Variants in SCAF11 observed in about 807,000 individuals in gnomAD.
The protein encoded by SCAF11 is SR-related CTD associated factor 11.
In SCAF11, 47 loss-of-function variants were observed where a neutral mutation model predicts 140.5. The ratio of observed to expected loss-of-function variants is 0.33; its 90% confidence interval spans 0.26 to 0.43. SCAF11 has a LOEUF of 0.43. Among genes scored for constraint, SCAF11 ranks in the 20% least tolerant of loss-of-function variants. The pLI is 1.00. For missense variants in SCAF11, 1,645 were observed against 1,705.1 expected (o/e 0.96, Z 0.62); for synonymous variants, 557 against 579.4 (o/e 0.96, Z 0.55).
In SCAF11 at chr12:45,922,353, GA is replaced by G. The variant is rs1439707819; in HGVS notation, c.4245+109del. On this transcript the variant is annotated intron_variant, in intron 14 of 14. Transcript: ENST00000369367. ...AATCAAAAGGCAAAAAAGTAGACAG[GA>G]ATTAGTAGGAGCTAGCTTTTATTAT... is the stretch of plus-strand genomic sequence containing the variant. The G allele has an allele frequency of 3.3e-5, 49 of 1,485,936 alleles. No individual in the cohort carries two copies. The African/African-American group carries it at 6.8e-4, about 21-fold the overall frequency. The allele number at this position is 1,485,936 out of a possible 1,614,324, so 92.0% of individuals were successfully genotyped here. A position where few individuals can be genotyped will look rare whatever the true frequency, so the allele number is the denominator to read the frequency against.
At chr12:45,974,178 A>ATTT (rs1461330777) in intron 1 of SCAF11, 1 of 470,746 alleles carries the variant, frequency 2.1e-6, no homozygotes, top group Admixed American at 2.3e-5. Context: ...TACATACTTG[A>ATTT]TTTAAAAATA....
intron 9 of SCAF11, among the ~76,000 whole-genome samples, chr12:45,931,958 A>T (rs1256310148): frequency 6.6e-6 from 1 of 152,178 alleles, no homozygotes; most frequent in African/African-American, 2.4e-5. Context: ...ACTCTAAAAA[A>T]ATAAAATCAA....
chr12:45,986,895 T>C (rs1002330351), intron 1 of SCAF11, among the ~76,000 whole-genome samples: 2 of 152,184 alleles, frequency 1.3e-5, no homozygotes, highest in Non-Finnish European at 2.9e-5. Context: ...TCCCTAGCCA[T>C]GTGGAACTGT....
Position 45,927,637 on chromosome 12 carries a change from C to G in SCAF11, c.2064G>C (p.Leu688=). Residue 688 remains leucine (L), a synonymous_variant, in exon 11 of 15, where the codon CTG becomes CTC. Coordinates refer to ENST00000369367, the MANE Select transcript of SCAF11 (RefSeq NM_004719.3). ...ACTCTGTAGATCTAGGATGTTCGGT[C>G]AGCGATTCATTCTTTTCTTCTAAAG... ...EKSLEEKNES[L]TEHPRSTELP... 1 of 1,612,244 alleles carries G rather than the reference C, an allele frequency of 6.2e-7. No individual in the cohort carries two copies. Among genetic ancestry groups the G allele is most frequent in the Non-Finnish European group, 8.5e-7 (1 of 1,179,990 alleles).
chr12:45,932,474 C>T (rs1281674872), intron 9 of SCAF11, among the ~76,000 whole-genome samples: 10 of 152,084 alleles, frequency 6.6e-5, no homozygotes, highest in Admixed American at 6.6e-4. Context: ...CTTCATCTGA[C>T]TTCTATTATG....
upstream of SCAF11, chr12:45,990,692 C>T (rs1012185451): frequency 1.6e-5 from 13 of 820,864 alleles, no homozygotes; most frequent in Non-Finnish European, 2.1e-5. Flanking sequence ...CCGGACTCGC[C>T]ACATTCTGCT....
At chr12:45,968,958 G>A (rs1439868582) in intron 1 of SCAF11, among the ~76,000 whole-genome samples, 2 of 151,950 alleles carry the variant, frequency 1.3e-5, no homozygotes, top group African/African-American at 2.4e-5. Flanking sequence ...AAACAAAAAC[G>A]GTCTGTATTA....
chr12:45,947,009 C>A (rs764963563), intron 5 of SCAF11, among the ~76,000 whole-genome samples: 7 of 152,088 alleles, frequency 4.6e-5, no homozygotes, highest in Non-Finnish European at 1.0e-4. Flanking sequence ...AAGTTAACAT[C>A]TAAGGAGCTT....
intron 3 of SCAF11, chr12:45,953,891 G>T: frequency 1.0e-6 from 1 of 1,004,596 alleles, no homozygotes; most frequent in Non-Finnish European, 1.3e-6. Flanking sequence ...TAAATATTAT[G>T]TAAGGTCTTG....
intron 6 of SCAF11, among the ~76,000 whole-genome samples, chr12:45,944,212 A>C (rs1439584636): frequency 6.6e-6 from 1 of 152,204 alleles, no homozygotes; most frequent in Non-Finnish European, 1.5e-5. Flanking sequence ...AAAGAATGCT[A>C]ATCTACAGCA....
chr12:45,964,043 G>A (rs904073005), intron 2 of SCAF11, 64 bp downstream of exon 2: 18 of 824,696 alleles, frequency 2.2e-5, no homozygotes, highest in Non-Finnish European at 3.4e-5. Flanking sequence ...ATGTATACAA[G>A]TGGACAGTTT....
At chr12:45,990,172 G>A (rs1458447924) in intron 1 of SCAF11, among the ~76,000 whole-genome samples, 181 bp downstream of exon 1, 1 of 152,090 alleles carries the variant, frequency 6.6e-6, no homozygotes, top group Non-Finnish European at 1.5e-5. Flanking sequence ...CCCCCACTTC[G>A]AGAGGTAGCT....
intron 1 of SCAF11, among the ~76,000 whole-genome samples, chr12:45,979,786 T>A (rs562215979): frequency 6.6e-6 from 1 of 152,210 alleles, no homozygotes; most frequent in South Asian, 2.1e-4. Flanking sequence ...CTCATATGAA[T>A]ATTTTACACA....
Position 45,928,592 on chromosome 12 carries a change from T to C in SCAF11, c.1109A>G (p.Gln370Arg). The C allele has an allele frequency of 6.2e-7, 1 of 1,614,158 alleles. No individual in the cohort carries two copies. Among genetic ancestry groups the C allele is most frequent in the Non-Finnish European group, 8.5e-7 (1 of 1,180,002 alleles). ...SSAESEKQTR[Q>R]APKRKSVRRG... ...TCTTACAGACTTCCGTTTTGGAGCC[T>C]GTCTTGTTTGCTTTTCTGACTCAGC... is the stretch of plus-strand genomic sequence containing the variant. The change falls in exon 11 of 15, where the codon CAG becomes CGG. Residue 370 changes from glutamine to arginine, a missense_variant. Around this residue, in one of 2 missense-constraint regions of SCAF11, gnomAD observed 1,582 missense variants for 1,609.2 expected, o/e 0.98. Transcript: ENST00000369367.
intron 1 of SCAF11, among the ~76,000 whole-genome samples, chr12:45,972,498 T>A (rs1946096713): frequency 6.8e-6 from 1 of 146,492 alleles, no homozygotes; most frequent in Non-Finnish European, 1.5e-5. Context: ...GGCAGGAGGA[T>A]CCCTTGAGCC....
upstream of SCAF11, chr12:45,992,002 C>A (rs931357033): frequency 7.8e-7 from 1 of 1,288,864 alleles, no homozygotes; most frequent in African/African-American, 1.5e-5. Flanking sequence ...TGAGTTTCCT[C>A]CCCACTTTGC....
At chr12:45,947,921 C>A (rs1010935272) in intron 5 of SCAF11, among the ~76,000 whole-genome samples, 10 of 152,132 alleles carry the variant, frequency 6.6e-5, no homozygotes, top group African/African-American at 9.7e-5. Flanking sequence ...AAGTGATCCT[C>A]CCACCTCAGT....
At chr12:45,952,625 C>T (rs1945578846) in intron 3 of SCAF11, among the ~76,000 whole-genome samples, 1 of 152,034 alleles carries the variant, frequency 6.6e-6, no homozygotes. Context: ...TTTTAAAATT[C>T]CTGTGCATCA....
chr12:45,960,884 T>G (rs1445007492), intron 3 of SCAF11: 1 of 153,646 alleles, frequency 6.5e-6, no homozygotes, highest in Non-Finnish European at 1.4e-5. Flanking sequence ...ATTTTTAAGA[T>G]ATTATCTTCT....
Sources: allele counts gnomAD v4.1 joint callset (sites outside exome capture counted in the v4.1 genomes callset), GRCh38; gene constraint gnomAD v4.1.1; regional missense constraint gnomAD v4.1.1; transcripts MANE v1.5; gene names NCBI Gene and HGNC (gene_info 2026-07-23, HGNC 2026-07-21).